Variants in CEP112 observed in about 807,000 individuals in gnomAD.
CEP112 encodes the protein centrosomal protein of 112 kDa.
CEP112 carries 127 observed loss-of-function variants against 153.0 expected under a neutral mutation model. The ratio of observed to expected loss-of-function variants is 0.83; its 90% CI spans 0.72 to 0.96. The LOEUF (loss-of-function observed/expected upper bound fraction) is 0.96, where lower values mean the gene tolerates loss of function less well. Among genes scored for constraint, CEP112 ranks in the 40% least tolerant of loss-of-function variants. CEP112 has a pLI of 0.00. For missense variants in CEP112, 1,089 were observed against 1,101.2 expected, an observed-to-expected ratio of 0.99 and a Z score of 0.16; for synonymous variants, 358 against 374.4, an observed-to-expected ratio of 0.96 and a Z score of 0.51.
chr17:65,672,743 T>C (rs548746908), intron 24 of CEP112, among the ~76,000 whole-genome samples: 6 of 152,266 alleles, frequency 3.9e-5, no homozygotes, highest in Admixed American at 2.6e-4. Flanking sequence ...AGTACCCTAA[T>C]AGATGGCTCA....
chr17:66,055,612 C>T (rs188042923), intron 11 of CEP112, among the ~76,000 whole-genome samples: 103 of 152,226 alleles, frequency 6.8e-4, no homozygotes, highest in African/African-American at 2.3e-3. Context: ...TCTCCCAAAG[C>T]CCCTAGAACA....
chr17:66,157,695 A>G (rs899528290), intron 4 of CEP112, among the ~76,000 whole-genome samples: 1 of 144,274 alleles, frequency 6.9e-6, no homozygotes, highest in African/African-American at 2.5e-5. Flanking sequence ...TTTACCAAGC[A>G]AATGGAAAGC....
intron 4 of CEP112, among the ~76,000 whole-genome samples, chr17:66,147,641 T>C (rs2070980795): frequency 6.6e-6 from 1 of 152,180 alleles, no homozygotes; most frequent in Admixed American, 6.5e-5. Flanking sequence ...TTCCCTATTA[T>C]AGCTCTTATG....
chr17:65,673,102 G>A (rs2047063659), intron 24 of CEP112, among the ~76,000 whole-genome samples: 1 of 152,124 alleles, frequency 6.6e-6, no homozygotes, highest in South Asian at 2.1e-4. Context: ...GCTGGCCTGG[G>A]CTCTTATCTG....
At chr17:65,785,865 C>A (rs1359571628) in intron 21 of CEP112, among the ~76,000 whole-genome samples, 2 of 151,888 alleles carry the variant, frequency 1.3e-5, no homozygotes, top group African/African-American at 4.8e-5. Flanking sequence ...AGAGGTTGAG[C>A]TTTACTCTTT....
chr17:65,971,294 A>G (rs1238423952), intron 17 of CEP112, among the ~76,000 whole-genome samples: 1 of 152,218 alleles, frequency 6.6e-6, no homozygotes, highest in Non-Finnish European at 1.5e-5. Flanking sequence ...CATAACAAAT[A>G]TGCACGTTAC....
At chr17:66,095,592 T>A (rs1319791675) in intron 8 of CEP112, among the ~76,000 whole-genome samples, 3 of 152,190 alleles carry the variant, frequency 2.0e-5, no homozygotes, top group Non-Finnish European at 4.4e-5. Context: ...AGAGATCTAT[T>A]GTACAGCATA....
intron 21 of CEP112, among the ~76,000 whole-genome samples, chr17:65,761,672 G>A (rs897194059): frequency 3.3e-5 from 5 of 152,048 alleles, no homozygotes; most frequent in African/African-American, 4.8e-5. Flanking sequence ...TTTAAAGTGT[G>A]TTATATAATC....
At chr17:65,704,173 G>C (rs2048787410) in intron 23 of CEP112, among the ~76,000 whole-genome samples, 1 of 152,038 alleles carries the variant, frequency 6.6e-6, no homozygotes, top group African/African-American at 2.4e-5. Context: ...GGACACCAAG[G>C]ATTGCTGGGA....
chr17:65,838,916 A>G (rs1238397285), intron 21 of CEP112, among the ~76,000 whole-genome samples: 1 of 152,194 alleles, frequency 6.6e-6, no homozygotes. Context: ...AGAAATGGAT[A>G]AACTTCTGGG....
intron 24 of CEP112, among the ~76,000 whole-genome samples, chr17:65,664,643 A>G (rs1324955641): frequency 6.6e-6 from 1 of 152,218 alleles, no homozygotes; most frequent in Non-Finnish European, 1.5e-5. Context: ...AAATAGTTAT[A>G]AGATGTGACC....
chr17:66,168,015 G>T (rs1431131347), intron 4 of CEP112, among the ~76,000 whole-genome samples: 1 of 152,150 alleles, frequency 6.6e-6, no homozygotes. Context: ...ATGTTTAAAT[G>T]TATATATATC....
At chr17:65,902,006 G>GAAAAAAAA in intron 20 of CEP112, 146 bp downstream of exon 20, 1 of 243,086 alleles carries the variant, frequency 4.1e-6, no homozygotes, top group South Asian at 5.9e-5. Flanking sequence ...GGGTGGGGGG[G>GAAAAAAAA]AGAAAAACAA....
intron 21 of CEP112, among the ~76,000 whole-genome samples, chr17:65,770,689 A>G (rs2053296530): frequency 6.6e-6 from 1 of 152,140 alleles, no homozygotes; most frequent in Non-Finnish European, 1.5e-5. Flanking sequence ...AACATAGAAT[A>G]TGAATGTGGA....
intron 4 of CEP112, among the ~76,000 whole-genome samples, chr17:66,145,083 A>C (rs75957315): frequency 1.0e-3 from 153 of 152,234 alleles, no homozygotes; most frequent in African/African-American, 3.6e-3. Flanking sequence ...AGTCTTTATA[A>C]TCCTAAGGGG....
At position 66,008,033 on chromosome 17, in the gene CEP112, T is replaced by C. The variant is rs16958832; in HGVS notation, c.1657-2264A>G. On this transcript the variant is annotated intron_variant, in intron 16 of 26. Coordinates refer to ENST00000535342, the MANE Select transcript of CEP112 (RefSeq NM_001199165.4). ...CTCCATGTTCTGACAGATTGACACA[T>C]AGAGACAGAAAATGACTTTTCCAGC... Among the ~76,000 whole-genome samples, 392 of 152,270 alleles carry C rather than the reference T, an allele frequency of 2.6e-3. 4 individuals carry two copies. Among genetic ancestry groups the C allele is most frequent in the East Asian group, 0.023 (118 of 5,182 alleles).
In CEP112 at chr17:66,028,364, T is replaced by C; in HGVS notation, c.1545A>G (p.Gln515=). 2 of 1,601,300 alleles carry C rather than the reference T, an allele frequency of 1.2e-6. No homozygotes were observed. Among genetic ancestry groups the C allele is most frequent in the South Asian group, 1.1e-5 (1 of 89,716 alleles). The change falls in exon 15 of 27, where the codon CAA becomes CAG. Residue 515 remains glutamine, a synonymous_variant. Coordinates refer to ENST00000535342, the MANE Select transcript of CEP112 (RefSeq NM_001199165.4). Reference sequence around the variant, plus strand: ...CTGATTCCTGTAACTGCTGTTTTAATTGACAGACATTCTGCTCTAATTCTT... The same window carrying C: ...CTGATTCCTGTAACTGCTGTTTTAACTGACAGACATTCTGCTCTAATTCTT... The part of the protein sequence containing the change: ...MIEELEQNVC[Q]LKQQLQESEL...
At chr17:65,698,062 A>C (rs1312570436) in intron 23 of CEP112, among the ~76,000 whole-genome samples, 1 of 151,670 alleles carries the variant, frequency 6.6e-6, no homozygotes, top group Non-Finnish European at 1.5e-5. Flanking sequence ...TCCCAGCAAC[A>C]CTTATTTTTT....
chr17:66,141,773 C>A (rs906443886), intron 4 of CEP112, among the ~76,000 whole-genome samples: 7 of 152,036 alleles, frequency 4.6e-5, no homozygotes, highest in African/African-American at 7.3e-5. Context: ...TTTGTTAATC[C>A]ATTCATTTGT....
Sources: gnomAD v4.1 joint callset for allele counts (sites outside exome capture counted in the v4.1 genomes callset) on GRCh38, gnomAD v4.1.1 for gene constraint, MANE v1.5 for transcripts, NCBI Gene and HGNC (gene_info 2026-07-23, HGNC 2026-07-21) for gene names.